JADE2: variants seen among roughly 807,000 people sequenced by gnomAD.
JADE2 encodes the protein jade family PHD finger 2.
Under a neutral mutation model 85.7 loss-of-function variants are expected in JADE2, and 13 were observed. The ratio of observed to expected loss-of-function variants is 0.15; its 90% CI spans 0.10 to 0.24. The LOEUF (loss-of-function observed/expected upper bound fraction) is 0.24, where lower values mean the gene tolerates loss of function less well. JADE2 is among the 10% of genes least tolerant of loss of function. The pLI is 1.00. For synonymous variants in JADE2, 440 were observed against 456.1 expected (o/e 0.96, Z 0.45); for missense variants, 846 against 1,115.9 (o/e 0.76, Z 3.45).
At chr5:134,524,712 G>T (rs937122586), upstream of JADE2, among the ~76,000 whole-genome samples, 1 of 152,228 alleles carries the variant, frequency 6.6e-6, no homozygotes, top group Non-Finnish European at 1.5e-5. Context: ...CGGGAGGGGG[G>T]AGGGGGCGAC....
In JADE2 at chr5:134,578,555, G is replaced by A. The variant is rs368065779; in HGVS notation, c.1743G>A (p.Ser581=). Residue 581 remains serine (S), a synonymous_variant, in exon 12 of 12, where the codon TCG becomes TCA. Transcript: ENST00000681547. The surrounding 1 kb of genome is among the most constrained non-coding windows in gnomAD (Gnocchi z 4.4). The part of the protein sequence containing the change: ...GTFFNSWLAQ[S]VQITAENMAM... ...TCTTCAACAGCTGGCTGGCACAGTC[G>A]GTGCAGATCACAGCAGAGAACATGG... The A allele has an allele frequency of 1.1e-5, 18 of 1,609,366 alleles. No homozygotes were observed. Among genetic ancestry groups the A allele is most frequent in the Admixed American group, 5.0e-5 (3 of 59,884 alleles).
At chr5:134,539,258 T>C (rs1196433899) in intron 3 of JADE2, among the ~76,000 whole-genome samples, 1 of 151,996 alleles carries the variant, frequency 6.6e-6, no homozygotes, top group Non-Finnish European at 1.5e-5. Flanking sequence ...AGAGACGGGG[T>C]TTCACCGTGT....
chr5:134,539,450 C>A (rs1031871702), intron 3 of JADE2, among the ~76,000 whole-genome samples: 2 of 150,736 alleles, frequency 1.3e-5, no homozygotes, highest in African/African-American at 2.4e-5. Flanking sequence ...CCACCTGCCT[C>A]GGCCTCCCAA....
At chr5:134,548,336 G>T (rs1042607975) in intron 3 of JADE2, among the ~76,000 whole-genome samples, 1 of 152,200 alleles carries the variant, frequency 6.6e-6, no homozygotes, top group East Asian at 1.9e-4. Context: ...CTTCCAGCAC[G>T]CACACCTTGG....
intron 7 of JADE2, 47 bp from the exon 8 acceptor site, chr5:134,564,447 C>A: frequency 7.6e-7 from 1 of 1,315,362 alleles, no homozygotes; most frequent in South Asian, 1.4e-5. Flanking sequence ...TCCCTGGAGG[C>A]AGGCTGGGGA....
In JADE2 at chr5:134,559,855, C is replaced by G. The variant is rs1763217859; in HGVS notation, c.337C>G (p.Pro113Ala). ...GATCCTCCCACCACTGGAAGGCCCCCCTGCCCAGGCATCCCCGAGCAGCAC... is the reference window on the plus strand; with the variant it reads ...GATCCTCCCACCACTGGAAGGCCCCGCTGCCCAGGCATCCCCGAGCAGCAC... Reference protein sequence around the residue: ...VRILPPLEGPPAQASPSSTML... With the variant: ...VRILPPLEGPAAQASPSSTML... The change falls in exon 5 of 12, where the codon CCT becomes GCT. Residue 113 changes from proline to alanine, a missense_variant. By Grantham distance (27) the Pro-to-Ala change is conservative. Around this residue, in one of 9 missense-constraint regions of JADE2, gnomAD observed 78 missense variants for 64.9 expected, o/e 1.20. Transcript: ENST00000681547. 6.2e-7 allele frequency: 1 copy of G among 1,611,776 alleles called. No individual in the cohort carries two copies. The highest frequency in any genetic ancestry group is 1.1e-5 in the South Asian group (1 of 90,812).
At chr5:134,535,804 G>A in intron 1 of JADE2, 54 bp from the exon 2 acceptor site, 2 of 1,512,510 alleles carry the variant, frequency 1.3e-6, no homozygotes, top group South Asian at 1.1e-5. Flanking sequence ...TTTCTGAGAG[G>A]TTGAGGATTT....
intron 3 of JADE2, among the ~76,000 whole-genome samples, chr5:134,539,488 C>T (rs919704813): frequency 2.6e-5 from 4 of 152,246 alleles, no homozygotes; most frequent in Non-Finnish European, 4.4e-5. Context: ...CGTGAGCCAC[C>T]GCGCCCGGCC....
chr5:134,542,255 T>A (rs1762005520), intron 3 of JADE2, among the ~76,000 whole-genome samples: 1 of 152,192 alleles, frequency 6.6e-6, no homozygotes, highest in Admixed American at 6.5e-5. Flanking sequence ...ATTTACACAA[T>A]GAGTTTCTGG....
At position 134,562,767 on chromosome 5, in the gene JADE2, A is replaced by C. The variant is rs924405385; in HGVS notation, c.852+400A>C. Among the ~76,000 whole-genome samples the C allele has an allele frequency of 2.1e-4, 32 of 151,974 alleles. No individual in the cohort carries two copies. The highest frequency in any genetic ancestry group is 7.3e-4 in the African/African-American group (30 of 41,378). On this transcript the variant is annotated intron_variant, in intron 7 of 11. Coordinates refer to ENST00000681547, the MANE Select transcript of JADE2 (RefSeq NM_001388185.1). The surrounding 1 kb of genome is among the most constrained non-coding windows in gnomAD (Gnocchi z 4.6). ...TGACAGAGCAAGACTCCGTCTGAAA[A>C]ACAAAACAAAACAAAGCACACACTG...
chr5:134,575,800 T>C (rs1308345808), intron 10 of JADE2: 3 of 151,404 alleles, frequency 2.0e-5, no homozygotes, highest in Non-Finnish European at 4.4e-5. Context: ...GGAGCAGAAG[T>C]AGGATTGCTT....
rs1764744997 is a variant in JADE2 at position 134,582,200 on chromosome 5, A to G, written c.*2883A>G. 6.6e-6 allele frequency: 1 copy of G among 152,386 alleles called. No homozygotes were observed. The highest frequency in any genetic ancestry group is 3.4e-3 in the Middle Eastern group (1 of 296). 9.4% of individuals were successfully genotyped at this position (152,386 alleles called of 1,614,324 possible). A position where few individuals can be genotyped will look rare whatever the true frequency, so the allele number is the denominator to read the frequency against. ...ATGTGCAAGAAAAGTATTTTTATGT[A>G]TCATAAATGTATTTTGAAACAAATG... On this transcript the variant is annotated 3_prime_UTR_variant, in exon 12 of 12. Transcript: ENST00000681547.
chr5:134,576,780 G>C lies in JADE2; in HGVS notation c.1565G>C (p.Arg522Thr). ...EQDLCRERSG[R>T]RAKGKKSDSK... ...TTCCCTGACACAGAGCGGTCTGGGA[G>C]GAGAGCAAAGGGCAAGAAGAGTGAC... The change falls in exon 11 of 12, where the codon AGG (arginine) becomes ACG (threonine). Residue 522 changes from arginine (R) to threonine (T), a missense_variant. Transcript: ENST00000681547. 1 of 1,550,614 alleles carries C rather than the reference G, an allele frequency of 6.4e-7. No individual in the cohort carries two copies. Among genetic ancestry groups the C allele is most frequent in the Non-Finnish European group, 8.7e-7 (1 of 1,146,996 alleles).
At position 134,579,217 on chromosome 5, in the gene JADE2, T is replaced by G. The variant is rs1385366549; in HGVS notation, c.2405T>G (p.Met802Arg). The change falls in exon 12 of 12, where the codon ATG (methionine) becomes AGG (arginine). Residue 802 changes from methionine to arginine, a missense_variant. Physicochemically the swap from Met to Arg is moderately conservative, Grantham distance 91 (BLOSUM62 -1). This residue lies in a region of JADE2 where 300 missense variants were observed against 300.7 expected (regional missense o/e 1.00). Coordinates refer to ENST00000681547, the MANE Select transcript of JADE2 (RefSeq NM_001388185.1). The surrounding 1 kb of genome is among the most constrained non-coding windows in gnomAD (Gnocchi z 4.6). ...GATGGCTACTTCTCTGATGGGGAGA[T>G]GAGCGACTCAGATGTAGAGGCCGAG... ...ETDGYFSDGE[M>R]SDSDVEAEDG... 47 of 1,614,170 alleles carry G rather than the reference T, an allele frequency of 2.9e-5. No homozygotes were observed. The highest frequency in any genetic ancestry group is 4.0e-5 in the Non-Finnish European group (47 of 1,180,034).
intron 7 of JADE2, chr5:134,564,182 G>C (rs2241699): frequency 0.3 from 62,516 of 208,488 alleles, 9,818 homozygotes; most frequent in African/African-American, 0.38. Flanking sequence ...CAAGGCCCAC[G>C]CAGTCTTAAG....
At chr5:134,537,868 G>T in intron 2 of JADE2, 121 bp from the exon 3 acceptor site, 1 of 704,356 alleles carries the variant, frequency 1.4e-6, no homozygotes. Flanking sequence ...AGGTCTCACA[G>T]AGGTTTCTCC....
rs971278998 is a variant in JADE2 at position 134,560,757 on chromosome 5, C to T, written c.484C>T (p.Leu162=). 8.1e-6 allele frequency: 13 copies of T among 1,613,518 alleles called. No homozygotes were observed. The South Asian group carries it at 1.4e-4, about 18-fold the overall frequency. The part of the protein sequence containing the change: ...SELKEMERPE[L]DELTLERVLE... The stretch of plus-strand genomic sequence containing the variant: ...TGTCCTCCTCACAGAGAGGCCGGAG[C>T]TGGACGAGCTGACATTAGAGCGTGT... Residue 162 remains leucine, a synonymous_variant, in exon 6 of 12, where the codon CTG becomes TTG. Transcript: ENST00000681547.
intron 1 of JADE2, chr5:134,526,581 G>C (rs937258767): frequency 1.0e-6 from 1 of 985,280 alleles, no homozygotes; most frequent in South Asian, 4.7e-5. Flanking sequence ...CTGGGCTCAC[G>C]TGCAGCCGGT....
chr5:134,577,318 T>G (rs943995682), intron 11 of JADE2, among the ~76,000 whole-genome samples: 8 of 152,208 alleles, frequency 5.3e-5, no homozygotes, highest in Non-Finnish European at 8.8e-5. Flanking sequence ...CAGACTCTCC[T>G]GGAGCTGCCC....
Sources: allele counts gnomAD v4.1 joint callset (sites outside exome capture counted in the v4.1 genomes callset), GRCh38; gene constraint gnomAD v4.1.1; regional missense constraint gnomAD v4.1.1; non-coding constraint Gnocchi (gnomAD v3.1); transcripts MANE v1.5; gene names NCBI Gene and HGNC (gene_info 2026-07-23, HGNC 2026-07-21).